ZNF675: variants seen among roughly 807,000 people sequenced by gnomAD.
The protein encoded by ZNF675 is zinc finger protein 675.
Under a neutral mutation model 56.1 loss-of-function variants are expected in ZNF675, and 36 were observed. That is an observed-to-expected ratio of 0.64 (90% CI 0.49 to 0.85). ZNF675 has a LOEUF of 0.85. Among genes scored for constraint, ZNF675 ranks in the 40% least tolerant of loss-of-function variants. The pLI is 0.00. For synonymous variants in ZNF675, 200 were observed against 218.9 expected (o/e 0.91, Z 0.76); for missense variants, 663 against 654.2 (o/e 1.01, Z -0.15).
chr19:23,660,387 A>G (rs1968060242), intron 3 of ZNF675, among the ~76,000 whole-genome samples: 1 of 152,236 alleles, frequency 6.6e-6, no homozygotes, highest in African/African-American at 2.4e-5. Context: ...TGGCAGAAGA[A>G]TTAGTCGAAA....
chr19:23,678,600 C>T (rs975426443), intron 1 of ZNF675, among the ~76,000 whole-genome samples: 4 of 149,742 alleles, frequency 2.7e-5, no homozygotes, highest in Non-Finnish European at 3.0e-5. Flanking sequence ...ACATATGGAA[C>T]CAAAAAAGAG....
chr19:23,671,671 A>G (rs1423634166), intron 1 of ZNF675, among the ~76,000 whole-genome samples: 5 of 151,696 alleles, frequency 3.3e-5, no homozygotes, highest in African/African-American at 1.2e-4. Flanking sequence ...GTCTAGGAAC[A>G]TCGTAGCAAC....
At chr19:23,655,556 G>C (rs1967972088) in intron 3 of ZNF675, 2 of 151,616 alleles carry the variant, frequency 1.3e-5, no homozygotes, top group African/African-American at 2.4e-5. Context: ...CAAGAAGATA[G>C]TGCCAAGCCA....
intron 1 of ZNF675, among the ~76,000 whole-genome samples, chr19:23,684,096 C>T (rs1209163963): frequency 6.6e-6 from 1 of 150,934 alleles, no homozygotes; most frequent in African/African-American, 2.4e-5. Flanking sequence ...CCCGTCTCTA[C>T]TAAAAATACA....
rs1481598242 is a variant in ZNF675 at position 23,662,084 on chromosome 19, C to T, written c.226+30G>A. 3.3e-6 allele frequency: 5 copies of T among 1,506,134 alleles called. No homozygotes were observed. In the African/African-American group the frequency reaches 6.9e-5, roughly 21 times the overall value. The allele number at this position is 1,506,134 out of a possible 1,614,324, so 93.3% of individuals were successfully genotyped here. ...ACCTTTGGACCTCTCATCAGTGTCA[C>T]CTGTTGTATTCACTTTCATTCTCAC... is the stretch of plus-strand genomic sequence containing the variant. On this transcript the variant is annotated intron_variant, in intron 3 of 3. Transcript: ENST00000359788.
chr19:23,668,588 G>A (rs192448184), intron 1 of ZNF675, among the ~76,000 whole-genome samples: 3 of 152,336 alleles, frequency 2.0e-5, no homozygotes, highest in Non-Finnish European at 4.4e-5. Context: ...AGCGGCATCC[G>A]TCAGGGAGGA....
Position 23,653,524 on chromosome 19 carries a change from T to C in ZNF675, c.1409A>G (p.His470Arg). ...TATCTCTCCAGAATGAATTTTCTTA[T>C]GTTCAGTAAGTTTTGAGGATTGGAT... is the stretch of plus-strand genomic sequence containing the variant. The part of the protein sequence containing the change: ...AFIQSSKLTE[H>R]KKIHSGEIPY... The change falls in exon 4 of 4, where the codon CAT becomes CGT. Residue 470 changes from histidine (H) to arginine (R), a missense_variant. By Grantham distance (29) the His-to-Arg change is conservative. Around this residue, in one of 3 missense-constraint regions of ZNF675, gnomAD observed 617 missense variants for 590.5 expected, o/e 1.04. Coordinates refer to ENST00000359788, the MANE Select transcript of ZNF675 (RefSeq NM_138330.3). 4.3e-6 allele frequency: 7 copies of C among 1,613,372 alleles called. No homozygotes were observed. The highest frequency in any genetic ancestry group is 5.9e-6 in the Non-Finnish European group (7 of 1,179,802).
intron 1 of ZNF675, among the ~76,000 whole-genome samples, chr19:23,681,314 G>A (rs953085313): frequency 6.6e-6 from 1 of 151,664 alleles, no homozygotes; most frequent in Non-Finnish European, 1.5e-5. Flanking sequence ...GGAGGGGTGT[G>A]GGCACGTCAA....
rs778831497 is a variant in ZNF675 at position 23,653,373 on chromosome 19, G to C, written c.1560C>G (p.Ser520=). The part of the protein sequence containing the change: ...CEECGKAFSR[S]SKLTEHKIIH... ...TTATCTTATGTTCAGTAAGTTTTGA[G>C]GATCGGCTAAAAGCTTTGCCACATT... Residue 520 remains serine (S), a synonymous_variant, in exon 4 of 4, where the codon TCC becomes TCG. Coordinates refer to ENST00000359788, the MANE Select transcript of ZNF675 (RefSeq NM_138330.3). The C allele has an allele frequency of 6.2e-7, 1 of 1,613,498 alleles. No homozygotes were observed. The highest frequency in any genetic ancestry group is 1.1e-5 in the South Asian group (1 of 91,072).
chr19:23,686,877 T>C (rs10406844), intron 1 of ZNF675, among the ~76,000 whole-genome samples, 154 bp downstream of exon 1: 8,866 of 152,160 alleles, frequency 0.058, 557 homozygotes, highest in African/African-American at 0.14. Flanking sequence ...CGCCATCTTA[T>C]GGCTGCAGGG....
intron 1 of ZNF675, among the ~76,000 whole-genome samples, chr19:23,681,814 T>C (rs1968380099): frequency 6.6e-6 from 1 of 151,718 alleles, no homozygotes; most frequent in Non-Finnish European, 1.5e-5. Flanking sequence ...TGAAACACTG[T>C]AGTTATCTTT....
At chr19:23,666,776 TTC>T (rs1568291883) in intron 1 of ZNF675, among the ~76,000 whole-genome samples, 1 of 114,788 alleles carries the variant, frequency 8.7e-6, no homozygotes, top group African/African-American at 2.6e-5. Flanking sequence ...TTCTCTCTTT[TTC>T]TCTTTCTCTC....
intron 3 of ZNF675, among the ~76,000 whole-genome samples, chr19:23,660,287 G>C (rs888917224): frequency 6.6e-6 from 1 of 152,130 alleles, no homozygotes; most frequent in Non-Finnish European, 1.5e-5. Flanking sequence ...AAAAACTTGA[G>C]GTGTTTTCTC....
chr19:23,663,015 G>A lies in ZNF675; in HGVS notation c.130+17C>T. 1 of 1,557,260 alleles carries A rather than the reference G, an allele frequency of 6.4e-7. No homozygotes were observed. Among genetic ancestry groups the A allele is most frequent in the Non-Finnish European group, 8.6e-7 (1 of 1,158,144 alleles). ...AAACAAAAAAAAAAAGAAACTGTGTGTTTAAGTTATCCTTACCCAGGAAGA... is the reference window on the plus strand; with the variant it reads ...AAACAAAAAAAAAAAGAAACTGTGTATTTAAGTTATCCTTACCCAGGAAGA... On this transcript the variant is annotated intron_variant, in intron 2 of 3. Coordinates refer to ENST00000359788, the MANE Select transcript of ZNF675 (RefSeq NM_138330.3).
intron 1 of ZNF675, among the ~76,000 whole-genome samples, chr19:23,669,808 A>C (rs1568293343): frequency 1.3e-5 from 2 of 151,820 alleles, no homozygotes; most frequent in Non-Finnish European, 2.9e-5. Context: ...AGCCAAGATC[A>C]TGCCACTGCA....
chr19:23,654,461 G>A lies in ZNF675; in HGVS notation c.472C>T (p.His158Tyr). 2 of 1,601,778 alleles carry A rather than the reference G, an allele frequency of 1.2e-6. No individual in the cohort carries two copies. The highest frequency in any genetic ancestry group is 4.5e-5 in the East Asian group (2 of 44,768). Residue 158 changes from histidine (H) to tyrosine (Y), a missense_variant, in exon 4 of 4, where the codon CAT becomes TAT. Coordinates refer to ENST00000359788, the MANE Select transcript of ZNF675 (RefSeq NM_138330.3). ...KYVKVFNKFS[H>Y]SDRHKIKHME... ...TGTTTTATCTTATGTCTATCTGAAT[G>A]TGAAAATTTATTAAAGACTTTCACA...
intron 1 of ZNF675, among the ~76,000 whole-genome samples, chr19:23,684,442 T>C (rs8105651): frequency 0.97 from 147,618 of 152,010 alleles, 71,838 homozygotes; most frequent in Middle Eastern, 1. Context: ...GTCGGGAGTT[T>C]GAGACAAGCC....
At chr19:23,662,244 C>G (rs748833639) in intron 2 of ZNF675, 35 bp from the exon 3 acceptor site, 3 of 1,468,824 alleles carry the variant, frequency 2.0e-6, no homozygotes, top group African/African-American at 1.4e-5. Flanking sequence ...ATTAATTTTG[C>G]TCATATTCTC....
chr19:23,683,664 C>T (rs889721756), intron 1 of ZNF675, among the ~76,000 whole-genome samples: 1 of 152,086 alleles, frequency 6.6e-6, no homozygotes, highest in Non-Finnish European at 1.5e-5. Context: ...TCGTGATCTG[C>T]CCACCTCAGT....
Sources: allele counts gnomAD v4.1 joint callset (sites outside exome capture counted in the v4.1 genomes callset), GRCh38; gene constraint gnomAD v4.1.1; regional missense constraint gnomAD v4.1.1; transcripts MANE v1.5; gene names NCBI Gene and HGNC (gene_info 2026-07-23, HGNC 2026-07-21).